CLIC5: variants seen among roughly 807,000 people sequenced by gnomAD.
CLIC5 encodes the protein chloride intracellular channel protein 5.
CLIC5 carries 20 observed loss-of-function variants against 24.7 expected under a neutral mutation model. That is an observed-to-expected ratio of 0.81 (90% CI 0.57 to 1.18). The LOEUF (loss-of-function observed/expected upper bound fraction) is 1.18. Among genes scored for constraint, CLIC5 ranks in the 50% most tolerant of loss-of-function variants. CLIC5 has a pLI of 0.00. For missense variants in CLIC5, 341 were observed against 326.1 expected (o/e 1.05, Z -0.35); for synonymous variants, 159 against 135.6 (o/e 1.17, Z -1.20).
intron 5 of CLIC5, among the ~76,000 whole-genome samples, chr6:45,904,366 G>A (rs1005534801): frequency 1.3e-5 from 2 of 152,068 alleles, no homozygotes. Context: ...GGGGACAGCA[G>A]GATGGTTTCT....
intron 4 of CLIC5, among the ~76,000 whole-genome samples, chr6:45,935,476 G>A (rs534350139): frequency 6.6e-6 from 1 of 152,194 alleles, no homozygotes; most frequent in Non-Finnish European, 1.5e-5. Context: ...TGCCAAAGGG[G>A]CATGGATGAC....
chr6:46,021,170 T>C (rs1403258075), intron 1 of CLIC5, among the ~76,000 whole-genome samples: 1 of 149,372 alleles, frequency 6.7e-6, no homozygotes, highest in Non-Finnish European at 1.5e-5. Context: ...GACTTACCAA[T>C]GGCAAACACA....
At chr6:46,096,382 T>C in the CLIC5 span, among the ~76,000 whole-genome samples, 2 of 152,250 alleles carry the variant, frequency 1.3e-5, no homozygotes, top group African/African-American at 4.8e-5. Context: ...AGTTGTGGTA[T>C]ATCCACACCG....
intron 4 of CLIC5, among the ~76,000 whole-genome samples, chr6:45,923,277 A>G (rs547344591): frequency 6.6e-6 from 1 of 152,326 alleles, no homozygotes; most frequent in South Asian, 2.1e-4. Flanking sequence ...ATGCTCACAC[A>G]CTTAGAATGA....
intron 1 of CLIC5, among the ~76,000 whole-genome samples, chr6:45,991,554 GA>G (rs1292560759): frequency 6.6e-6 from 1 of 152,204 alleles, no homozygotes; most frequent in Non-Finnish European, 1.5e-5. Flanking sequence ...TGTGAGATAA[GA>G]AAGGTATTTG....
At chr6:46,067,965 G>T (rs899813752) in intron 1 of CLIC5, among the ~76,000 whole-genome samples, 1 of 152,134 alleles carries the variant, frequency 6.6e-6, no homozygotes, top group African/African-American at 2.4e-5. Context: ...AAGCGTATTT[G>T]TAGATATAAT....
intron 1 of CLIC5, among the ~76,000 whole-genome samples, chr6:45,967,193 A>C (rs1423524073): frequency 6.6e-6 from 1 of 152,118 alleles, no homozygotes; most frequent in African/African-American, 2.4e-5. Flanking sequence ...AACTATATGC[A>C]GGCACTTGGC....
chr6:46,036,467 C>T (rs554285435), intron 1 of CLIC5, among the ~76,000 whole-genome samples: 2 of 151,916 alleles, frequency 1.3e-5, no homozygotes, highest in Non-Finnish European at 1.5e-5. Context: ...CCTGCCACCA[C>T]GCCCAGCTAA....
At chr6:46,091,248 C>T in the CLIC5 span, among the ~76,000 whole-genome samples, 1 of 152,198 alleles carries the variant, frequency 6.6e-6, no homozygotes, top group Non-Finnish European at 1.5e-5. Flanking sequence ...CAACATCTCC[C>T]AAGTCCCCTA....
At chr6:46,122,433 G>GT in the CLIC5 span, among the ~76,000 whole-genome samples, 4 of 152,324 alleles carry the variant, frequency 2.6e-5, no homozygotes, top group African/African-American at 9.6e-5. Context: ...TTAAAGCAGT[G>GT]TGTAGAGGGA....
chr6:45,955,267 C>T lies in CLIC5; in HGVS notation c.64-23G>A, dbSNP rs779527981. 1.9e-6 allele frequency: 3 copies of T among 1,572,238 alleles called. No homozygotes were observed. In the Admixed American group the frequency reaches 5.0e-5, roughly 26 times the overall value. ...AGCCTGGAAAGAAGAGAACCAGTGTCCTGAGTGGGCAGGTGCAATTAGCAA... is the reference window on the plus strand; with the variant it reads ...AGCCTGGAAAGAAGAGAACCAGTGTTCTGAGTGGGCAGGTGCAATTAGCAA... On this transcript the variant is annotated intron_variant, in intron 1 of 5. Coordinates refer to ENST00000339561, the MANE Select transcript of CLIC5 (RefSeq NM_016929.5).
intron 1 of CLIC5, among the ~76,000 whole-genome samples, chr6:46,029,903 A>G (rs758324728): frequency 3.9e-5 from 6 of 152,186 alleles, no homozygotes; most frequent in Non-Finnish European, 7.3e-5. Context: ...GGGCTTCAAG[A>G]GTCCAGACCA....
chr6:46,049,764 G>A (rs754182438), intron 1 of CLIC5, among the ~76,000 whole-genome samples: 23 of 152,188 alleles, frequency 1.5e-4, no homozygotes, highest in Admixed American at 4.6e-4. Flanking sequence ...GCTTTTGACA[G>A]GCTATGTAAA....
In CLIC5 at chr6:45,898,501, A is replaced by G. The variant is rs1762431266; in HGVS notation, c.*4587T>C. The stretch of plus-strand genomic sequence containing the variant: ...ACTTTATTTGAATCAGTCAATACCA[A>G]TCAAGACTGGAACACAAATTGGTAA... On this transcript the variant is annotated 3_prime_UTR_variant, in exon 6 of 6. Coordinates refer to ENST00000339561, the MANE Select transcript of CLIC5 (RefSeq NM_016929.5). 1 of 152,664 alleles carries G rather than the reference A, an allele frequency of 6.6e-6. No homozygotes were observed. Among genetic ancestry groups the G allele is most frequent in the Non-Finnish European group, 1.5e-5 (1 of 68,046 alleles). 9.5% of individuals were successfully genotyped at this position (152,664 alleles called of 1,614,324 possible). A position where few individuals can be genotyped will look rare whatever the true frequency, so the allele number is the denominator to read the frequency against.
intron 2 of CLIC5, among the ~76,000 whole-genome samples, chr6:45,953,819 C>T (rs145887751): frequency 6.6e-6 from 1 of 152,202 alleles, no homozygotes; most frequent in East Asian, 1.9e-4. Context: ...CAATGAGACT[C>T]TCAGGGTGGC....
At chr6:45,892,250 G>GGTATGGT (rs1554142130) in intron 6 of CLIC5, 2 of 152,126 alleles carry the variant, frequency 1.3e-5, no homozygotes, top group African/African-American at 4.8e-5. Context: ...TAAGAAAATA[G>GGTATGGT]ATATGGTACA....
intron 1 of CLIC5, among the ~76,000 whole-genome samples, chr6:46,006,093 C>CAT (rs1243138730): frequency 0.018 from 1,727 of 94,750 alleles, 108 homozygotes; most frequent in Non-Finnish European, 0.023. Flanking sequence ...TGTATAAATA[C>CAT]ATATATATAT....
upstream of CLIC5, among the ~76,000 whole-genome samples, chr6:46,083,547 A>C (rs1468697663): frequency 2.0e-5 from 3 of 152,072 alleles, no homozygotes; most frequent in Non-Finnish European, 4.4e-5. Context: ...GTAGTCATTC[A>C]GGAGCAGGTT....
intron 1 of CLIC5, among the ~76,000 whole-genome samples, chr6:46,006,822 G>A (rs1178602438): frequency 6.6e-6 from 1 of 151,320 alleles, no homozygotes; most frequent in Non-Finnish European, 1.5e-5. Context: ...GCTATAGGTG[G>A]GTGCCACCAC....
Sources: allele counts gnomAD v4.1 joint callset (sites outside exome capture counted in the v4.1 genomes callset), GRCh38; gene constraint gnomAD v4.1.1; transcripts MANE v1.5; gene names NCBI Gene and HGNC (gene_info 2026-07-23, HGNC 2026-07-21).